ZNF609: variants seen among roughly 807,000 people sequenced by gnomAD.
ZNF609 encodes the protein zinc finger protein 609.
In ZNF609, 11 loss-of-function variants were observed where a neutral mutation model predicts 109.5. That is an observed-to-expected ratio of 0.10 (90% confidence interval 0.06 to 0.17). ZNF609 has a LOEUF of 0.17. Among genes scored for constraint, ZNF609 ranks in the 10% least tolerant of loss-of-function variants. The pLI, the probability that ZNF609 is intolerant of heterozygous loss-of-function variation, is 1.00. For synonymous variants in ZNF609, 646 were observed against 662.0 expected, an observed-to-expected ratio of 0.98 and a Z score of 0.37; for missense variants, 1,559 against 1,772.4, an observed-to-expected ratio of 0.88 and a Z score of 2.16.
chr15:64,583,848 G>C (rs1895151449), intron 2 of ZNF609, among the ~76,000 whole-genome samples: 1 of 152,106 alleles, frequency 6.6e-6, no homozygotes, highest in Non-Finnish European at 1.5e-5. Flanking sequence ...GCTCTTTTCA[G>C]AGTACCTGAT....
At chr15:64,483,871 C>T (rs377337943) in intron 1 of ZNF609, among the ~76,000 whole-genome samples, 3 of 152,244 alleles carry the variant, frequency 2.0e-5, no homozygotes, top group South Asian at 4.1e-4. Flanking sequence ...AACTGAGGCC[C>T]AAATAGCTGT....
intron 2 of ZNF609, among the ~76,000 whole-genome samples, chr15:64,579,597 C>T (rs561651146): frequency 5.3e-5 from 8 of 151,616 alleles, no homozygotes; most frequent in African/African-American, 1.9e-4. Flanking sequence ...GTAGTCCCAG[C>T]TACTTGGGAG....
intron 2 of ZNF609, among the ~76,000 whole-genome samples, chr15:64,532,909 C>A (rs140215326): frequency 1.3e-5 from 2 of 152,254 alleles, no homozygotes; most frequent in African/African-American, 2.4e-5. Context: ...ATTTTAGGTA[C>A]GGTACTCATG....
intron 6 of ZNF609, among the ~76,000 whole-genome samples, chr15:64,679,118 G>T (rs1022836397): frequency 2.6e-5 from 4 of 152,202 alleles, no homozygotes; most frequent in African/African-American, 9.7e-5. Flanking sequence ...TGTTGCACAG[G>T]CTAGAGTGCA....
chr15:64,518,780 C>T (rs1010035877), intron 2 of ZNF609, among the ~76,000 whole-genome samples: 5 of 151,944 alleles, frequency 3.3e-5, no homozygotes, highest in African/African-American at 1.2e-4. Flanking sequence ...AAGAAGAAGT[C>T]GAGAGTCATG....
chr15:64,673,909 T>C lies in ZNF609; in HGVS notation c.1062-7T>C. On this transcript the variant is annotated splice_polypyrimidine_tract_variant and splice_region_variant and intron_variant, in intron 4 of 9. Coordinates refer to ENST00000326648, the MANE Select transcript of ZNF609 (RefSeq NM_015042.2). ...ATAATATTCTGTTGTGTTTATCCTT[T>C]GCCAAGGTTCTGTGACTCCCCGACC... 6.2e-7 allele frequency: 1 copy of C among 1,606,874 alleles called. No homozygotes were observed. Among genetic ancestry groups the C allele is most frequent in the Non-Finnish European group, 8.5e-7 (1 of 1,175,404 alleles).
chr15:64,535,612 G>C (rs1286572279), intron 2 of ZNF609, among the ~76,000 whole-genome samples: 2 of 152,268 alleles, frequency 1.3e-5, no homozygotes, highest in Non-Finnish European at 1.5e-5. Context: ...GTGTGTGTGT[G>C]AACATAAGTT....
intron 2 of ZNF609, among the ~76,000 whole-genome samples, chr15:64,582,738 TGAGACAGAG>T (rs1567020981): frequency 5.7e-5 from 7 of 122,836 alleles, no homozygotes; most frequent in African/African-American, 1.6e-4. Context: ...TTTTTTTTTT[TGAGACAGAG>T]TCTTTTTTTT....
intron 2 of ZNF609, among the ~76,000 whole-genome samples, chr15:64,539,724 G>A (rs995601675): frequency 9.2e-5 from 14 of 151,782 alleles, no homozygotes; most frequent in African/African-American, 3.4e-4. Flanking sequence ...GGCTGGTCTC[G>A]AACTCCTGAC....
intron 1 of ZNF609, among the ~76,000 whole-genome samples, chr15:64,467,629 G>C (rs992617930): frequency 6.6e-6 from 1 of 152,230 alleles, no homozygotes; most frequent in African/African-American, 2.4e-5. Flanking sequence ...GGCGGATCAT[G>C]AGGTCAAGAG....
At chr15:64,500,272 G>T in intron 2 of ZNF609, 106 bp downstream of exon 2, 1 of 1,426,946 alleles carries the variant, frequency 7.0e-7, no homozygotes, top group South Asian at 1.2e-5. Context: ...TAGTGTGTGG[G>T]TAATGACCAA....
chr15:64,520,187 T>C (rs1893871639), intron 2 of ZNF609, among the ~76,000 whole-genome samples: 1 of 152,172 alleles, frequency 6.6e-6, no homozygotes, highest in Non-Finnish European at 1.5e-5. Context: ...TGGGTTGCTA[T>C]AACCAGGATT....
At chr15:64,572,967 A>C (rs1894881776) in intron 2 of ZNF609, among the ~76,000 whole-genome samples, 1 of 152,224 alleles carries the variant, frequency 6.6e-6, no homozygotes, top group Non-Finnish European at 1.5e-5. Flanking sequence ...CGGGACACGT[A>C]GTTCGGCTAG....
intron 3 of ZNF609, among the ~76,000 whole-genome samples, chr15:64,656,594 A>G (rs565975590): frequency 5.5e-4 from 83 of 152,096 alleles, no homozygotes; most frequent in Non-Finnish European, 7.5e-4. Context: ...CTCTGACCTA[A>G]CAGTCCATGG....
At chr15:64,635,330 T>C (rs1260239222) in intron 3 of ZNF609, among the ~76,000 whole-genome samples, 2 of 152,234 alleles carry the variant, frequency 1.3e-5, no homozygotes, top group East Asian at 3.9e-4. Flanking sequence ...AATATCTTAC[T>C]GGTATTGCCT....
intron 2 of ZNF609, chr15:64,500,608 A>C (rs910828153): frequency 1.4e-5 from 8 of 587,652 alleles, no homozygotes; most frequent in African/African-American, 1.3e-4. Flanking sequence ...TCTTGATGGG[A>C]TAAATGGTGC....
At chr15:64,593,096 G>A (rs2140940263) in intron 2 of ZNF609, 27 of 1,594,278 alleles carry the variant, frequency 1.7e-5, no homozygotes, top group South Asian at 6.6e-5. Flanking sequence ...TAAGAAATTC[G>A]TCATTCGAAA....
chr15:64,502,440 T>G (rs1893575198), intron 2 of ZNF609: 1 of 152,168 alleles, frequency 6.6e-6, no homozygotes, highest in Non-Finnish European at 1.5e-5. Context: ...GAGCGGTTTT[T>G]GAGAAACAAC....
intron 6 of ZNF609, 123 bp from the exon 7 acceptor site, chr15:64,680,062 A>G (rs1896860115): frequency 9.7e-7 from 1 of 1,034,778 alleles, no homozygotes. Flanking sequence ...AGCCAAAGAC[A>G]CTATGTTAGA....
Sources: gnomAD v4.1 joint callset for allele counts (sites outside exome capture counted in the v4.1 genomes callset) on GRCh38, gnomAD v4.1.1 for gene constraint, MANE v1.5 for transcripts, NCBI Gene and HGNC (gene_info 2026-07-23, HGNC 2026-07-21) for gene names.